Variants in RBFOX1 observed in about 807,000 individuals in gnomAD.
The protein encoded by RBFOX1 is RNA binding protein fox-1 homolog 1.
A neutral mutation model predicts 57.7 loss-of-function variants in RBFOX1; 8 were observed. The ratio of observed to expected loss-of-function variants is 0.14; its 90% confidence interval spans 0.08 to 0.25. The LOEUF (loss-of-function observed/expected upper bound fraction) is 0.25. Ranked by LOEUF, RBFOX1 falls within the 10% of genes least tolerant of loss-of-function variation. The pLI is 1.00. For missense variants in RBFOX1, 611 were observed against 548.5 expected, an observed-to-expected ratio of 1.11 and a Z score of -1.14; for synonymous variants, 326 against 222.4, an observed-to-expected ratio of 1.47 and a Z score of -4.15.
chr16:7,021,673 T>C (rs1256179133), intron 3 of RBFOX1, among the ~76,000 whole-genome samples: 4 of 149,668 alleles, frequency 2.7e-5, no homozygotes, highest in African/African-American at 7.3e-5. Flanking sequence ...TCAGCCTATT[T>C]GCACAGACTG....
intron 3 of RBFOX1, among the ~76,000 whole-genome samples, chr16:5,686,548 G>A (rs4625722): frequency 0.94 from 142,751 of 152,078 alleles, 67,204 homozygotes; most frequent in East Asian, 1. Flanking sequence ...CTACTTAATC[G>A]TGGGTCTTCT....
At chr16:6,954,025 G>T (rs147467167) in intron 3 of RBFOX1, among the ~76,000 whole-genome samples, 1 of 152,252 alleles carries the variant, frequency 6.6e-6, no homozygotes, top group Non-Finnish European at 1.5e-5. Flanking sequence ...TATTGAGCCA[G>T]GCGCATATAC....
At chr16:5,744,647 T>C (rs2052904396) in intron 3 of RBFOX1, among the ~76,000 whole-genome samples, 1 of 152,170 alleles carries the variant, frequency 6.6e-6, no homozygotes. Context: ...ATATTTACCA[T>C]CTCACCCGAT....
chr16:6,841,236 A>T (rs1567506849), intron 3 of RBFOX1, among the ~76,000 whole-genome samples: 1 of 152,192 alleles, frequency 6.6e-6, no homozygotes, highest in Non-Finnish European at 1.5e-5. Flanking sequence ...ATGGTCAGTT[A>T]TCCTGCCCAT....
chr16:6,865,274 A>G (rs2059728890), intron 3 of RBFOX1, among the ~76,000 whole-genome samples: 1 of 151,984 alleles, frequency 6.6e-6, no homozygotes, highest in Admixed American at 6.5e-5. Flanking sequence ...CAGTACTGGG[A>G]TTACAGACGT....
chr16:5,441,341 G>A (rs2068077505), intron 1 of RBFOX1, among the ~76,000 whole-genome samples: 1 of 148,894 alleles, frequency 6.7e-6, no homozygotes, highest in Non-Finnish European at 1.5e-5. Context: ...CCTGAGACTG[G>A]TTAATTTATA....
At chr16:5,408,977 T>C (rs2066938103) in intron 1 of RBFOX1, among the ~76,000 whole-genome samples, 1 of 152,220 alleles carries the variant, frequency 6.6e-6, no homozygotes, top group African/African-American at 2.4e-5. Context: ...TACAGTTCAG[T>C]GTGAGATTTG....
intron 4 of RBFOX1, among the ~76,000 whole-genome samples, chr16:7,118,103 A>T (rs2066309223): frequency 6.6e-6 from 1 of 152,072 alleles, no homozygotes; most frequent in Non-Finnish European, 1.5e-5. Flanking sequence ...CAGTAGTGGG[A>T]TTAACTGGAT....
intron 4 of RBFOX1, among the ~76,000 whole-genome samples, chr16:7,406,000 C>G (rs2098333773): frequency 6.6e-6 from 1 of 152,112 alleles, no homozygotes; most frequent in Admixed American, 6.5e-5. Flanking sequence ...TGCAATTGAT[C>G]CTGCAACACA....
At chr16:6,557,312 C>T (rs904797753) in intron 2 of RBFOX1, among the ~76,000 whole-genome samples, 1 of 151,820 alleles carries the variant, frequency 6.6e-6, no homozygotes, top group East Asian at 1.9e-4. Flanking sequence ...CAGAATCTTG[C>T]TTTCACAGTG....
intron 1 of RBFOX1, among the ~76,000 whole-genome samples, chr16:5,454,903 T>TTTG (rs1567535232): frequency 2.1e-5 from 2 of 97,404 alleles, no homozygotes; most frequent in Non-Finnish European, 4.3e-5. Flanking sequence ...TCTTTCTTTC[T>TTTG]TTCTTTCTTT....
chr16:6,499,383 A>G (rs1034372969), intron 2 of RBFOX1, among the ~76,000 whole-genome samples: 4 of 152,190 alleles, frequency 2.6e-5, no homozygotes, highest in African/African-American at 9.6e-5. Flanking sequence ...GTGTAAAAAA[A>G]AAAGGTATGA....
intron 3 of RBFOX1, among the ~76,000 whole-genome samples, chr16:6,822,482 C>T (rs1302623575): frequency 6.6e-6 from 1 of 152,204 alleles, no homozygotes; most frequent in Non-Finnish European, 1.5e-5. Flanking sequence ...ATAAATAAAA[C>T]ACATGCATCA....
chr16:5,739,677 T>G (rs1184711422), intron 3 of RBFOX1, among the ~76,000 whole-genome samples: 1 of 152,222 alleles, frequency 6.6e-6, no homozygotes, highest in African/African-American at 2.4e-5. Context: ...CACCCTAAGC[T>G]TCAAACTTAG....
chr16:7,503,214 A>G (rs1000977373), intron 4 of RBFOX1, among the ~76,000 whole-genome samples: 6 of 152,106 alleles, frequency 3.9e-5, no homozygotes, highest in African/African-American at 1.2e-4. Context: ...AATTTTCCAA[A>G]TCTAGCAAGA....
chr16:6,478,417 ATATATATATATATTTTTT>A (rs1485655882), intron 2 of RBFOX1, among the ~76,000 whole-genome samples: 169 of 16,450 alleles, frequency 0.01, 9 homozygotes, highest in African/African-American at 0.034. Flanking sequence ...ATATATATAT[ATATATATATATATTTTTT>A]TTTTTTTTTT....
intron 4 of RBFOX1, among the ~76,000 whole-genome samples, chr16:7,203,633 T>C (rs1321231329): frequency 2.0e-5 from 3 of 152,230 alleles, no homozygotes; most frequent in South Asian, 2.1e-4. Flanking sequence ...CACAGCTTTG[T>C]CCATGCTTCT....
intron 4 of RBFOX1, among the ~76,000 whole-genome samples, chr16:7,435,525 T>A (rs1392650089): frequency 6.6e-6 from 1 of 152,062 alleles, no homozygotes; most frequent in African/African-American, 2.4e-5. Context: ...ACGGGTGAGG[T>A]GTTTGTTAGG....
intron 2 of RBFOX1, among the ~76,000 whole-genome samples, chr16:5,561,531 C>T (rs1260169050): frequency 6.6e-6 from 1 of 151,970 alleles, no homozygotes; most frequent in South Asian, 2.1e-4. Context: ...AGAAAATGTA[C>T]AAAAGAAAGC....
Sources: gnomAD v4.1 joint callset for allele counts (sites outside exome capture counted in the v4.1 genomes callset) on GRCh38, gnomAD v4.1.1 for gene constraint, MANE v1.5 for transcripts, NCBI Gene and HGNC (gene_info 2026-07-23, HGNC 2026-07-21) for gene names.